The following DDX20 variants were observed in gnomAD, a reference collection of about 807,000 sequenced individuals.
DDX20 encodes the protein DEAD-box helicase 20.
Under a neutral mutation model 76.4 loss-of-function variants are expected in DDX20, and 61 were observed. That is an observed-to-expected ratio of 0.80 (90% CI 0.65 to 0.99). The LOEUF (loss-of-function observed/expected upper bound fraction) is 0.99. DDX20 is among the 50% of genes least tolerant of loss of function. The pLI is 0.00. For synonymous variants in DDX20, 357 were observed against 357.4 expected, an observed-to-expected ratio of 1.00 and a Z score of 0.01; for missense variants, 976 against 996.8, an observed-to-expected ratio of 0.98 and a Z score of 0.28.
intron 3 of DDX20, among the ~76,000 whole-genome samples, chr1:111,759,834 C>T (rs980988437): frequency 6.0e-5 from 9 of 151,058 alleles, no homozygotes; most frequent in Non-Finnish European, 1.3e-4. Context: ...ATTAGCCGGG[C>T]GTGGTAGCGG....
rs758540351 is a variant in DDX20, at chr1:111,766,766, A to G, written c.2342A>G (p.Tyr781Cys). Residue 781 changes from tyrosine to cysteine, a missense_variant, in exon 11 of 11, where the codon TAC becomes TGC. Physicochemically the swap from Tyr to Cys is radical, Grantham distance 194. Transcript: ENST00000369702. ...QDYEEYWRAYYRAWQEYYAAA... is the reference protein window; with the variant it reads ...QDYEEYWRAYCRAWQEYYAAA... ...TATGAGGAGTACTGGAGAGCTTACT[A>G]CAGGGCATGGCAAGAATATTATGCT... 11 of 1,614,058 alleles carry G rather than the reference A, an allele frequency of 6.8e-6. No homozygotes were observed. Among genetic ancestry groups the G allele is most frequent in the East Asian group, 2.2e-5 (1 of 44,906 alleles).
intron 7 of DDX20, chr1:111,761,613 T>C (rs1237627910): frequency 5.6e-6 from 1 of 178,404 alleles, no homozygotes; most frequent in East Asian, 1.5e-4. Context: ...ATTTTTTCTT[T>C]AGAATTTTTT....
intron 7 of DDX20, 140 bp downstream of exon 7, chr1:111,761,424 G>A (rs1194355310): frequency 1.4e-4 from 90 of 631,870 alleles, no homozygotes; most frequent in Non-Finnish European, 1.0e-5. Context: ...GAATTTTCAG[G>A]CTTATTTTTC....
At chr1:111,760,447 A>G (rs762761034) in intron 3 of DDX20, 27 bp from the exon 4 acceptor site, 7 of 1,453,862 alleles carry the variant, frequency 4.8e-6, no homozygotes, top group Non-Finnish European at 6.6e-6. Flanking sequence ...TACATCATAA[A>G]TATTTCAATT....
At position 111,762,785 on chromosome 1, in the gene DDX20, A is replaced by T; in HGVS notation, c.1210+3A>T. 2 of 140,978 alleles carry T rather than the reference A, an allele frequency of 1.4e-5. No homozygotes were observed. Among genetic ancestry groups the T allele is most frequent in the Non-Finnish European group, 2.6e-5 (2 of 75,582 alleles). The allele number at this position is 140,978 out of a possible 1,614,324, so 8.7% of individuals were successfully genotyped here. A position where few individuals can be genotyped will look rare whatever the true frequency, so the allele number is the denominator to read the frequency against. On this transcript the variant is annotated splice_donor_region_variant and intron_variant, in intron 9 of 10. Coordinates refer to ENST00000369702, the MANE Select transcript of DDX20 (RefSeq NM_007204.5). ...GATTGGGAGAGCTGGCCGTTTTGGT[A>T]AAAAAAAAAAAAAAAGTTTGAGTGC...
Position 111,766,096 on chromosome 1 carries a change from A to G in DDX20, c.1672A>G (p.Thr558Ala). 6.2e-7 allele frequency: 1 copy of G among 1,614,162 alleles called. No homozygotes were observed. Among genetic ancestry groups the G allele is most frequent in the East Asian group, 2.2e-5 (1 of 44,884 alleles). The change falls in exon 11 of 11, where the codon ACC becomes GCC. Residue 558 changes from threonine to alanine, a missense_variant. Thr to Ala is a moderately conservative substitution (Grantham distance 58). Transcript: ENST00000369702. The stretch of plus-strand genomic sequence containing the variant: ...TGTTCAGACTCCCGTTGAAAACTCC[A>G]CCAACAGTCAGCACCAGGTCAAAGA... ...NSVQTPVENS[T>A]NSQHQVKEAL...
intron 10 of DDX20, 137 bp from the exon 11 acceptor site, chr1:111,765,600 T>C: frequency 4.2e-6 from 3 of 722,266 alleles, no homozygotes; most frequent in Non-Finnish European, 6.4e-6. Flanking sequence ...AAATGTTATA[T>C]CTATTAAACA....
At chr1:111,765,307 G>A (rs2101425567) in intron 10 of DDX20, among the ~76,000 whole-genome samples, 1 of 152,306 alleles carries the variant, frequency 6.6e-6, no homozygotes, top group African/African-American at 2.4e-5. Context: ...ATTTAGTTGG[G>A]TGTACAGAGT....
At chr1:111,760,965 A>G (rs760960361) in intron 5 of DDX20, 22 bp from the exon 6 acceptor site, 27 of 1,608,560 alleles carry the variant, frequency 1.7e-5, no homozygotes, top group Non-Finnish European at 2.2e-5. Context: ...TATTTGTTTT[A>G]ACTGATAGCT....
chr1:111,756,734 T>G lies in DDX20; in HGVS notation c.390T>G (p.Ser130Arg), dbSNP rs753641295. ...ACTCTCTTGTTCTTGAAAACTTAAG[T>G]ACCCAGGTGAGTTAGCTGAGAGGAC... ...ALDSLVLENL[S>R]TQILILAPTR... Residue 130 changes from serine (S) to arginine (R), a missense_variant, in exon 2 of 11, where the codon AGT becomes AGG. Transcript: ENST00000369702. 6.2e-7 allele frequency: 1 copy of G among 1,613,506 alleles called. No individual in the cohort carries two copies. Among genetic ancestry groups the G allele is most frequent in the Non-Finnish European group, 8.5e-7 (1 of 1,179,416 alleles).
intron 3 of DDX20, 74 bp downstream of exon 3, chr1:111,759,642 A>G: frequency 7.2e-7 from 1 of 1,383,012 alleles, no homozygotes. Context: ...ATAAAGATAT[A>G]TGGGAGTCTT....
rs1172386129 is a variant in DDX20, at chr1:111,766,874, A to C, written c.2450A>C (p.Gln817Pro). ...AAYHMNTIYL[Q>P]EMMHSNQ is the part of the protein sequence containing the mutation. ...TATCACATGAATACCATTTATCTAC[A>C]AGAAATGATGCATAGTAACCAGTGA... The change falls in exon 11 of 11, where the codon CAA becomes CCA. Residue 817 changes from glutamine to proline, a missense_variant. Coordinates refer to ENST00000369702, the MANE Select transcript of DDX20 (RefSeq NM_007204.5). 6.8e-6 allele frequency: 11 copies of C among 1,611,062 alleles called. No individual in the cohort carries two copies. The highest frequency in any genetic ancestry group is 1.3e-5 in the African/African-American group (1 of 74,898).
In DDX20 at chr1:111,761,069, A is replaced by G. The variant is rs1055096021; in HGVS notation, c.906A>G (p.Glu302=). The part of the protein sequence containing the change: ...VFEEKTQHLQ[E]LFSRIPFNQA... ...AGGAAAAGACTCAGCATTTACAGGA[A>G]CTGTTCAGCAGAATTCCATTTAATC... is the stretch of plus-strand genomic sequence containing the variant. Residue 302 remains glutamate (E), a synonymous_variant, in exon 6 of 11, where the codon GAA becomes GAG. Transcript: ENST00000369702. 1 of 1,613,856 alleles carries G rather than the reference A, an allele frequency of 6.2e-7. No homozygotes were observed. Among genetic ancestry groups the G allele is most frequent in the Admixed American group, 1.7e-5 (1 of 60,008 alleles).
In DDX20 at chr1:111,759,684, T is replaced by C. The variant is rs1016399625; in HGVS notation, c.565+116T>C. The C allele has an allele frequency of 4.2e-6, 5 of 1,200,824 alleles. No homozygotes were observed. In the African/African-American group the frequency reaches 6.2e-5, roughly 15 times the overall value. The allele number at this position is 1,200,824 out of a possible 1,614,324, so 74.4% of individuals were successfully genotyped here. On this transcript the variant is annotated intron_variant, in intron 3 of 10. Transcript: ENST00000369702. ...CTGTGATAATTATTTTGATTAGAAA[T>C]GAAGAGCAGGCCGGGCGCGGTGGCT...
intron 10 of DDX20, among the ~76,000 whole-genome samples, chr1:111,763,849 C>T (rs1211805358): frequency 6.6e-6 from 1 of 152,016 alleles, no homozygotes; most frequent in African/African-American, 2.4e-5. Flanking sequence ...TTGGAAACAA[C>T]GCATGTTTAA....
chr1:111,755,919 G>T lies in DDX20; in HGVS notation c.-6G>T, dbSNP rs773178091. The T allele has an allele frequency of 4.5e-6, 7 of 1,567,248 alleles. No individual in the cohort carries two copies. Among genetic ancestry groups the T allele is most frequent in the Non-Finnish European group, 6.1e-6 (7 of 1,152,666 alleles). ...AAGCACCGCGAGATCTGACGGCGCGGCTACCATGGCGGCGGCATTTGAAGC... is the reference window on the plus strand; with the variant it reads ...AAGCACCGCGAGATCTGACGGCGCGTCTACCATGGCGGCGGCATTTGAAGC... On this transcript the variant is annotated 5_prime_UTR_variant, in exon 1 of 11. Transcript: ENST00000369702.
rs953112954 is a variant in DDX20, at chr1:111,767,874, C to T, written c.*975C>T. 2.6e-5 allele frequency: 4 copies of T among 152,160 alleles called. No individual in the cohort carries two copies. Among genetic ancestry groups the T allele is most frequent in the African/African-American group, 9.7e-5 (4 of 41,434 alleles). The allele number at this position is 152,160 out of a possible 1,614,324, so 9.4% of individuals were successfully genotyped here. A position where few individuals can be genotyped will look rare whatever the true frequency, so the allele number is the denominator to read the frequency against. On this transcript the variant is annotated 3_prime_UTR_variant, in exon 11 of 11. Coordinates refer to ENST00000369702, the MANE Select transcript of DDX20 (RefSeq NM_007204.5). ...TCTCTTCAGACACTTCTTAGTACATCCTAATTTTGTGTCTTCTAGAAAATT... is the reference window on the plus strand; with the variant it reads ...TCTCTTCAGACACTTCTTAGTACATTCTAATTTTGTGTCTTCTAGAAAATT...
At chr1:111,762,841 C>T (rs1458675775) in intron 9 of DDX20, 59 bp downstream of exon 9, 23 of 1,577,722 alleles carry the variant, frequency 1.5e-5, no homozygotes, top group Non-Finnish European at 2.0e-5. Flanking sequence ...TATAATGTGA[C>T]AGGTGGGCTT....
chr1:111,763,015 T>A lies in DDX20; in HGVS notation c.1312+8T>A. The stretch of plus-strand genomic sequence containing the variant: ...ACCTTCTCCCTTTACCAGGTACATT[T>A]CATCTGTTTCATTATTTCAAAATAA... On this transcript the variant is annotated splice_region_variant and intron_variant, in intron 10 of 10. Coordinates refer to ENST00000369702, the MANE Select transcript of DDX20 (RefSeq NM_007204.5). 6.3e-7 allele frequency: 1 copy of A among 1,579,368 alleles called. No homozygotes were observed. Among genetic ancestry groups the A allele is most frequent in the Non-Finnish European group, 8.7e-7 (1 of 1,149,388 alleles).
Sources: allele counts gnomAD v4.1 joint callset (sites outside exome capture counted in the v4.1 genomes callset), GRCh38; gene constraint gnomAD v4.1.1; transcripts MANE v1.5; gene names NCBI Gene and HGNC (gene_info 2026-07-23, HGNC 2026-07-21).